Variants in PRDM5 observed in about 807,000 individuals in gnomAD.
PRDM5 encodes the protein PR/SET domain 5.
A neutral mutation model predicts 81.2 loss-of-function variants in PRDM5; 56 were observed. The observed-to-expected ratio is 0.69, with a 90% CI of 0.56 to 0.86. The LOEUF is 0.86. Ranked by LOEUF, PRDM5 falls within the 40% of genes least tolerant of loss-of-function variation. The probability of loss-of-function intolerance (pLI) is 0.00; values close to 1 mark genes in which losing one functional copy is unlikely to be tolerated. For missense variants in PRDM5, 697 were observed against 770.1 expected (o/e 0.91, Z 1.12); for synonymous variants, 267 against 256.4 (o/e 1.04, Z -0.39).
chr4:120,855,540 A>G (rs954657446), intron 2 of PRDM5, among the ~76,000 whole-genome samples: 2 of 152,184 alleles, frequency 1.3e-5, no homozygotes, highest in Admixed American at 1.3e-4. Flanking sequence ...CAACACTGAT[A>G]TGGTAAAGAG....
chr4:120,856,884 A>C (rs72680442), intron 2 of PRDM5, among the ~76,000 whole-genome samples: 27,643 of 152,150 alleles, frequency 0.18, 2,975 homozygotes, highest in East Asian at 0.3. Context: ...ATCTTCTTTT[A>C]TTTGAATTTT....
chr4:120,715,023 C>A (rs1301265458), intron 14 of PRDM5, among the ~76,000 whole-genome samples: 1 of 152,124 alleles, frequency 6.6e-6, no homozygotes, highest in Non-Finnish European at 1.5e-5. Flanking sequence ...GTCTAGTCCC[C>A]AATTTTATTT....
intron 8 of PRDM5, among the ~76,000 whole-genome samples, chr4:120,811,123 TAATAA>T (rs1352556823): frequency 6.6e-6 from 1 of 152,074 alleles, no homozygotes; most frequent in Non-Finnish European, 1.5e-5. Context: ...TTTGTTATAA[TAATAA>T]AATATAGTAT....
intron 14 of PRDM5, among the ~76,000 whole-genome samples, chr4:120,746,340 A>G (rs1215677446): frequency 6.8e-6 from 1 of 147,264 alleles, no homozygotes; most frequent in Non-Finnish European, 1.5e-5. Flanking sequence ...CTAGAAGAAA[A>G]CCTAGGCATT....
intron 2 of PRDM5, among the ~76,000 whole-genome samples, chr4:120,882,197 A>C (rs1049143886): frequency 1.3e-5 from 2 of 152,138 alleles, no homozygotes; most frequent in African/African-American, 4.8e-5. Flanking sequence ...TGAGACTTGA[A>C]CCAATGAAGG....
intron 2 of PRDM5, among the ~76,000 whole-genome samples, chr4:120,873,429 A>C (rs888889550): frequency 6.6e-6 from 1 of 152,236 alleles, no homozygotes; most frequent in Admixed American, 6.5e-5. Context: ...GAACAGGAAG[A>C]GCCAAGACAG....
At chr4:120,866,735 C>T (rs1761232912) in intron 2 of PRDM5, among the ~76,000 whole-genome samples, 1 of 152,164 alleles carries the variant, frequency 6.6e-6, no homozygotes, top group Admixed American at 6.5e-5. Context: ...CTACCTTGGT[C>T]ACTAGTTTGC....
At position 120,809,235 on chromosome 4, in the gene PRDM5, G is replaced by A. The variant is rs564374335; in HGVS notation, c.945+2135C>T. The stretch of plus-strand genomic sequence containing the variant: ...AGGGTGGGGAACATCACACACCAGG[G>A]CCTGTCGTGGGGTGAGGGGAGGGGG... On this transcript the variant is annotated intron_variant, in intron 8 of 15. Coordinates refer to ENST00000264808, the MANE Select transcript of PRDM5 (RefSeq NM_018699.4). Among the ~76,000 whole-genome samples, 3 of 141,546 alleles carry A rather than the reference G, an allele frequency of 2.1e-5. No homozygotes were observed. The East Asian group carries it at 7.2e-4, about 34-fold the overall frequency. 92.9% of individuals were successfully genotyped at this position (141,546 alleles called of 152,430 possible).
chr4:120,769,101 A>T (rs953762710), intron 13 of PRDM5, among the ~76,000 whole-genome samples: 2 of 152,174 alleles, frequency 1.3e-5, no homozygotes, highest in African/African-American at 4.8e-5. Flanking sequence ...TTTGTATTCA[A>T]ATCTGGAACT....
At chr4:120,903,876 A>AT (rs1261697887) in intron 2 of PRDM5, among the ~76,000 whole-genome samples, 2 of 152,070 alleles carry the variant, frequency 1.3e-5, no homozygotes, top group Non-Finnish European at 2.9e-5. Flanking sequence ...CCCCAGCCAT[A>AT]TGGAACTGTG....
At chr4:120,863,122 C>T (rs1172386808) in intron 2 of PRDM5, among the ~76,000 whole-genome samples, 3 of 137,360 alleles carry the variant, frequency 2.2e-5, no homozygotes, top group African/African-American at 8.3e-5. Flanking sequence ...TGGGCTATTA[C>T]ACTCCAGCCT....
intron 2 of PRDM5, among the ~76,000 whole-genome samples, chr4:120,880,846 C>A (rs896550579): frequency 4.6e-5 from 7 of 152,068 alleles, no homozygotes; most frequent in Non-Finnish European, 7.4e-5. Context: ...AAACGCTCAT[C>A]AATTTCAAAA....
chr4:120,808,915 C>T (rs894942922), intron 8 of PRDM5, among the ~76,000 whole-genome samples: 6 of 152,306 alleles, frequency 3.9e-5, no homozygotes, highest in East Asian at 1.9e-4. Context: ...CCGCAAGCGC[C>T]GCAGGCAGCC....
intron 15 of PRDM5, among the ~76,000 whole-genome samples, chr4:120,696,851 C>A (rs961795242): frequency 1.3e-5 from 2 of 152,094 alleles, no homozygotes; most frequent in Non-Finnish European, 2.9e-5. Flanking sequence ...AGTGACTTTG[C>A]AAACAAATAA....
intron 3 of PRDM5, among the ~76,000 whole-genome samples, chr4:120,828,478 G>A (rs1443424744): frequency 6.6e-6 from 1 of 152,060 alleles, no homozygotes; most frequent in African/African-American, 2.4e-5. Context: ...CTAGCATCAT[G>A]AGAACTAGAA....
At position 120,710,423 on chromosome 4, in the gene PRDM5, A is replaced by G. The variant is rs768889556; in HGVS notation, c.1624-10T>C. The G allele has an allele frequency of 6.2e-6, 10 of 1,612,504 alleles. No homozygotes were observed. The East Asian group carries it at 2.2e-4, about 36-fold the overall frequency. ...ACTTGTACGGCTTCTCCTGCAGTCAACAAAAAGAGACCACCAAAATTGCCA... is the reference window on the plus strand; with the variant it reads ...ACTTGTACGGCTTCTCCTGCAGTCAGCAAAAAGAGACCACCAAAATTGCCA... On this transcript the variant is annotated splice_polypyrimidine_tract_variant and intron_variant, in intron 14 of 15. Coordinates refer to ENST00000264808, the MANE Select transcript of PRDM5 (RefSeq NM_018699.4).
At chr4:120,741,687 G>A (rs1742002954) in intron 14 of PRDM5, among the ~76,000 whole-genome samples, 1 of 152,036 alleles carries the variant, frequency 6.6e-6, no homozygotes, top group Admixed American at 6.5e-5. Context: ...GGAAAATAGG[G>A]TCACTCCCAC....
chr4:120,793,242 A>G (rs1750844976), intron 10 of PRDM5, among the ~76,000 whole-genome samples: 2 of 152,092 alleles, frequency 1.3e-5, no homozygotes, highest in Non-Finnish European at 2.9e-5. Context: ...TGTGAACTGC[A>G]CACACAAGGG....
At chr4:120,801,605 A>G (rs1020115503) in intron 8 of PRDM5, among the ~76,000 whole-genome samples, 2 of 152,256 alleles carry the variant, frequency 1.3e-5, no homozygotes, top group Non-Finnish European at 1.5e-5. Flanking sequence ...ATGCAATGGC[A>G]TCTATGAGGG....
Sources: gnomAD v4.1 joint callset for allele counts (sites outside exome capture counted in the v4.1 genomes callset) on GRCh38, gnomAD v4.1.1 for gene constraint, MANE v1.5 for transcripts, NCBI Gene and HGNC (gene_info 2026-07-23, HGNC 2026-07-21) for gene names.